ARHGAP30: variants seen among roughly 807,000 people sequenced by gnomAD.
ARHGAP30 encodes rho GTPase-activating protein 30.
Under a neutral mutation model 72.0 loss-of-function variants are expected in ARHGAP30, and 23 were observed. That is an observed-to-expected ratio of 0.32 (90% confidence interval 0.23 to 0.45). ARHGAP30 has a LOEUF of 0.45. Ranked by LOEUF, ARHGAP30 falls within the 20% of genes least tolerant of loss-of-function variation. The pLI, the probability that ARHGAP30 is intolerant of heterozygous loss-of-function variation, is 1.00. For missense variants in ARHGAP30, 1,319 were observed against 1,383.4 expected, an observed-to-expected ratio of 0.95 and a Z score of 0.74; for synonymous variants, 576 against 528.2, an observed-to-expected ratio of 1.09 and a Z score of -1.24.
chr1:161,069,418 GC>G lies in ARHGAP30; in HGVS notation c.97+109del, dbSNP rs1653003444. ...TCTTGAATGGTGACCCCAGGCCACTGCCCCTTCCCCAGGAGCACCGGAAACT... is the reference window on the plus strand; with the variant it reads ...TCTTGAATGGTGACCCCAGGCCACTGCCCTTCCCCAGGAGCACCGGAAACT... On this transcript the variant is annotated intron_variant, in intron 1 of 11. Coordinates refer to ENST00000368013, the MANE Select transcript of ARHGAP30 (RefSeq NM_001025598.2). This position sits in a 1 kb window ranked among gnomAD's most constrained non-coding sequence, Gnocchi z 4.9. 2.7e-6 allele frequency: 3 copies of G among 1,097,274 alleles called. No homozygotes were observed. Among genetic ancestry groups the G allele is most frequent in the Non-Finnish European group, 4.0e-6 (3 of 744,916 alleles). The allele number at this position is 1,097,274 out of a possible 1,614,324, so 68.0% of individuals were successfully genotyped here.
In ARHGAP30 at chr1:161,049,411, C is replaced by T. The variant is rs574872500; in HGVS notation, c.1686+13G>A. 60 of 1,602,566 alleles carry T rather than the reference C, an allele frequency of 3.7e-5. 1 individual carries two copies. The highest frequency in any genetic ancestry group is 1.7e-4 in the Middle Eastern group (1 of 6,000). On this transcript the variant is annotated intron_variant, in intron 11 of 11. Coordinates refer to ENST00000368013, the MANE Select transcript of ARHGAP30 (RefSeq NM_001025598.2). ...CTCCATGCCACCCCCAAACCCAGCA[C>T]GGCTCTCCTTACCTGAGGCCCAACT...
intron 5 of ARHGAP30, 42 bp downstream of exon 5, chr1:161,054,324 T>C (rs1651669720): frequency 3.8e-6 from 6 of 1,567,712 alleles, no homozygotes; most frequent in Non-Finnish European, 5.2e-6. Context: ...CAAAGGCCAG[T>C]GTCTCACAGG....
At chr1:161,058,521 G>A (rs1488014295) in intron 2 of ARHGAP30, among the ~76,000 whole-genome samples, 2 of 151,314 alleles carry the variant, frequency 1.3e-5, no homozygotes, top group African/African-American at 4.9e-5. Context: ...CAGCTACTCG[G>A]GAGGCTGAGG....
intron 2 of ARHGAP30, 119 bp from the exon 3 acceptor site, chr1:161,056,651 A>G (rs1350035976): frequency 8.7e-7 from 1 of 1,143,312 alleles, no homozygotes; most frequent in Non-Finnish European, 1.2e-6. Context: ...ACTTGGAAGG[A>G]GAATGTTGGG....
intron 3 of ARHGAP30, among the ~76,000 whole-genome samples, chr1:161,055,856 T>TAAAATAAATA (rs1368051629): frequency 2.5e-4 from 5 of 19,890 alleles, no homozygotes; most frequent in South Asian, 1.3e-3. Flanking sequence ...TAAAATAAAA[T>TAAAATAAATA]AAATAAAATA....
At position 161,049,246 on chromosome 1, in the gene ARHGAP30, T is replaced by C; in HGVS notation, c.1775A>G (p.Asp592Gly). ...FVLAPSCCSLDSAGPRPEVEE... is the reference protein window; with the variant it reads ...FVLAPSCCSLGSAGPRPEVEE... ...AACTTCAGGCCTGGGGCCAGCGGAG[T>C]CCAGGGAACAGCAGCTGGGGGCCAA... Residue 592 changes from aspartate to glycine, a missense_variant, in exon 12 of 12, where the codon GAC (aspartate) becomes GGC (glycine). Physicochemically the swap from Asp to Gly is moderately conservative, Grantham distance 94 (BLOSUM62 -1). Coordinates refer to ENST00000368013, the MANE Select transcript of ARHGAP30 (RefSeq NM_001025598.2). The C allele has an allele frequency of 1.2e-6, 2 of 1,613,852 alleles. No individual in the cohort carries two copies. Among genetic ancestry groups the C allele is most frequent in the Non-Finnish European group, 1.7e-6 (2 of 1,179,948 alleles).
chr1:161,066,799 C>A (rs561126424), intron 1 of ARHGAP30, among the ~76,000 whole-genome samples: 4 of 152,240 alleles, frequency 2.6e-5, no homozygotes, highest in African/African-American at 7.2e-5. Context: ...GTACCTACTC[C>A]CATTTTCTAG....
intron 3 of ARHGAP30, among the ~76,000 whole-genome samples, chr1:161,055,302 G>C (rs1255675867): frequency 6.6e-6 from 1 of 152,114 alleles, no homozygotes; most frequent in Non-Finnish European, 1.5e-5. Context: ...GACCAGCGTG[G>C]GCAACACAGC....
rs779533545 is a variant in ARHGAP30, at chr1:161,047,925, T to G, written c.3096A>C (p.Arg1032Ser). 4.7e-5 allele frequency: 76 copies of G among 1,613,258 alleles called. No individual in the cohort carries two copies. Among genetic ancestry groups the G allele is most frequent in the Non-Finnish European group, 6.1e-5 (72 of 1,179,632 alleles). The change falls in exon 12 of 12, where the codon AGA (arginine) becomes AGC (serine). Residue 1032 changes from arginine to serine, a missense_variant. Around this residue, in one of 2 missense-constraint regions of ARHGAP30, gnomAD observed 1,097 missense variants for 1,045.2 expected, o/e 1.05. Transcript: ENST00000368013. ...CAGAGATCATGCTACAAGGGGAGGTTCTGGGGATGAGGCAGTAATCCCCAC... is the reference window on the plus strand; with the variant it reads ...CAGAGATCATGCTACAAGGGGAGGTGCTGGGGATGAGGCAGTAATCCCCAC... ...TEGGDYCLIP[R>S]TSPCSMISAH...
chr1:161,051,830 G>A, intron 9 of ARHGAP30, 115 bp from the exon 10 acceptor site: 9 of 1,436,296 alleles, frequency 6.3e-6, no homozygotes, highest in South Asian at 1.5e-5. Flanking sequence ...AGCAACGATA[G>A]CCTGGAAGGC....
rs771435241 is a variant in ARHGAP30 at position 161,047,840 on chromosome 1, C to T, written c.3181G>A (p.Gly1061Arg). 4 of 1,611,348 alleles carry T rather than the reference C, an allele frequency of 2.5e-6. No homozygotes were observed. In the African/African-American group the frequency reaches 5.3e-5, roughly 22 times the overall value. Residue 1061 changes from glycine (G) to arginine (R), a missense_variant, in exon 12 of 12, where the codon GGA becomes AGA. Gly to Arg is a moderately radical substitution (Grantham distance 125, BLOSUM62 -2). This residue lies in a region of ARHGAP30 where 1,097 missense variants were observed against 1,045.2 expected (regional missense o/e 1.05). Coordinates refer to ENST00000368013, the MANE Select transcript of ARHGAP30 (RefSeq NM_001025598.2). ...ELPSEGAEGS[G>R]SRSRLSLPPR... ...GGCAGACTAAGACGACTCCGGGATCCAGACCCTTCTGCACCTTCAGATGGG... is the reference window on the plus strand; with the variant it reads ...GGCAGACTAAGACGACTCCGGGATCTAGACCCTTCTGCACCTTCAGATGGG...
chr1:161,064,269 C>G (rs1463981456), intron 1 of ARHGAP30, among the ~76,000 whole-genome samples: 1 of 152,134 alleles, frequency 6.6e-6, no homozygotes, highest in Non-Finnish European at 1.5e-5. Flanking sequence ...CTCAAGCCAG[C>G]CGACGCTTAG....
Position 161,069,503 on chromosome 1 carries a change from G to T in ARHGAP30, c.97+25C>A. The T allele has an allele frequency of 6.3e-7, 1 of 1,599,654 alleles. No individual in the cohort carries two copies. Among genetic ancestry groups the T allele is most frequent in the Non-Finnish European group, 8.5e-7 (1 of 1,174,100 alleles). On this transcript the variant is annotated intron_variant, in intron 1 of 11. Coordinates refer to ENST00000368013, the MANE Select transcript of ARHGAP30 (RefSeq NM_001025598.2). This position sits in a 1 kb window ranked among gnomAD's most constrained non-coding sequence, Gnocchi z 4.9. ...TGCCCAGTGCCTCCCCACCCACCCT[G>T]CAGAAGCTGAGCCGGCCTCCTTACC...
intron 1 of ARHGAP30, among the ~76,000 whole-genome samples, chr1:161,062,597 C>T (rs748120904): frequency 6.6e-6 from 1 of 151,708 alleles, no homozygotes; most frequent in South Asian, 2.1e-4. Context: ...GATGTGGTGG[C>T]ATGTGTCTGT....
intron 2 of ARHGAP30, among the ~76,000 whole-genome samples, chr1:161,057,438 A>G (rs1638925314): frequency 6.6e-6 from 1 of 152,228 alleles, no homozygotes; most frequent in African/African-American, 2.4e-5. Context: ...AGTAGACAAT[A>G]AGCACAGGAA....
At position 161,048,442 on chromosome 1, in the gene ARHGAP30, G is replaced by C. The variant is rs776670329; in HGVS notation, c.2579C>G (p.Thr860Ser). ...CGCTACACCTGAACCTTCAGAGAGG[G>C]TGTCCTCTTCTAAATAGTACCCTCC... ...RAGGYYLEED[T>S]LSEGSGVASL... The change falls in exon 12 of 12, where the codon ACC becomes AGC. Residue 860 changes from threonine (T) to serine (S), a missense_variant. Physicochemically the swap from Thr to Ser is moderately conservative, Grantham distance 58 (BLOSUM62 1). Around this residue, in one of 2 missense-constraint regions of ARHGAP30, gnomAD observed 1,097 missense variants for 1,045.2 expected, o/e 1.05. Coordinates refer to ENST00000368013, the MANE Select transcript of ARHGAP30 (RefSeq NM_001025598.2). 3 of 1,613,936 alleles carry C rather than the reference G, an allele frequency of 1.9e-6. No homozygotes were observed. Among genetic ancestry groups the C allele is most frequent in the Non-Finnish European group, 2.5e-6 (3 of 1,180,014 alleles).
intron 1 of ARHGAP30, among the ~76,000 whole-genome samples, chr1:161,063,396 A>G (rs1032558605): frequency 8.5e-5 from 13 of 152,234 alleles, no homozygotes; most frequent in Non-Finnish European, 1.6e-4. Context: ...CTTTACTGCA[A>G]TCTCTAAACA....
intron 1 of ARHGAP30, among the ~76,000 whole-genome samples, chr1:161,064,844 A>AG (rs1491100891): frequency 2.7e-4 from 21 of 78,850 alleles, no homozygotes; most frequent in African/African-American, 6.7e-4. Flanking sequence ...AAAGAAAGAA[A>AG]GAAAGGAAAG....
chr1:161,053,491 TCTCTCTCTCTCTCTC>T (rs771820093), intron 5 of ARHGAP30, 106 bp from the exon 6 acceptor site: 195,004 of 1,290,270 alleles, frequency 0.15, 14,878 homozygotes, highest in African/African-American at 0.47. Flanking sequence ...TCTCTCTCTC[TCTCTCTCTCTCTCTC>T]GAATGACCTT....
Sources: allele counts gnomAD v4.1 joint callset (sites outside exome capture counted in the v4.1 genomes callset), GRCh38; gene constraint gnomAD v4.1.1; regional missense constraint gnomAD v4.1.1; non-coding constraint Gnocchi (gnomAD v3.1); transcripts MANE v1.5; gene names NCBI Gene and HGNC (gene_info 2026-07-23, HGNC 2026-07-21).